GPC5: variants seen among roughly 807,000 people sequenced by gnomAD.
The protein encoded by GPC5 is glypican-5.
In GPC5, 47 loss-of-function variants were observed where a neutral mutation model predicts 53.9. That is an observed-to-expected ratio of 0.87 (90% CI 0.69 to 1.11). The LOEUF is 1.11. Among genes scored for constraint, GPC5 ranks in the 50% most tolerant of loss-of-function variants. The pLI, the probability that GPC5 is intolerant of heterozygous loss-of-function variation, is 0.00. For synonymous variants in GPC5, 286 were observed against 263.3 expected (o/e 1.09, Z -0.84); for missense variants, 748 against 713.1 (o/e 1.05, Z -0.56).
At chr13:91,893,429 C>G (rs916939884) in intron 5 of GPC5, among the ~76,000 whole-genome samples, 1 of 151,996 alleles carries the variant, frequency 6.6e-6, no homozygotes, top group African/African-American at 2.4e-5. Flanking sequence ...CTGTCTAAAT[C>G]AATCTGAAGA....
rs549282768 is a variant in GPC5 at position 91,448,832 on chromosome 13, A to G, written c.235A>G (p.Ile79Val). 1.2e-6 allele frequency: 2 copies of G among 1,613,810 alleles called. No individual in the cohort carries two copies. Among genetic ancestry groups the G allele is most frequent in the South Asian group, 1.1e-5 (1 of 91,076 alleles). Residue 79 changes from isoleucine to valine, a missense_variant, in exon 2 of 8, where the codon ATT (isoleucine) becomes GTT (valine). Physicochemically the swap from Ile to Val is conservative, Grantham distance 29. Coordinates refer to ENST00000377067, the MANE Select transcript of GPC5 (RefSeq NM_004466.6). ...CAGGAAGATGGAGGAGAGATATCAGATTGCGGCTCGCCAGGATATGCAGCA... is the reference window on the plus strand; with the variant it reads ...CAGGAAGATGGAGGAGAGATATCAGGTTGCGGCTCGCCAGGATATGCAGCA... ...CTRKMEERYQ[I>V]AARQDMQQFL...
At chr13:92,531,279 A>G (rs1881555106) in intron 7 of GPC5, among the ~76,000 whole-genome samples, 1 of 152,138 alleles carries the variant, frequency 6.6e-6, no homozygotes, top group South Asian at 2.1e-4. Context: ...GTCACAACAG[A>G]GATTTTGGCT....
intron 7 of GPC5, among the ~76,000 whole-genome samples, chr13:92,751,314 A>AC (rs1889388297): frequency 7.0e-6 from 1 of 142,676 alleles, no homozygotes; most frequent in South Asian, 2.2e-4. Context: ...AAAAAAAAAA[A>AC]AAAAAAAAAA....
chr13:92,375,405 G>A (rs550706196), intron 7 of GPC5, among the ~76,000 whole-genome samples: 1 of 152,256 alleles, frequency 6.6e-6, no homozygotes, highest in Non-Finnish European at 1.5e-5. Context: ...CAGCATTTTG[G>A]TAACTGTAAA....
intron 7 of GPC5, among the ~76,000 whole-genome samples, chr13:92,452,886 T>C (rs1453611404): frequency 6.6e-6 from 1 of 152,232 alleles, no homozygotes; most frequent in East Asian, 1.9e-4. Flanking sequence ...CTTATTTTTA[T>C]AGGTAAGAAA....
intron 7 of GPC5, among the ~76,000 whole-genome samples, chr13:92,465,214 G>A (rs1276291732): frequency 2.0e-5 from 3 of 152,002 alleles, no homozygotes; most frequent in Non-Finnish European, 4.4e-5. Context: ...TTGCATAAAA[G>A]TGTATGTTAA....
chr13:92,632,716 T>A (rs758073561), intron 7 of GPC5, among the ~76,000 whole-genome samples: 1 of 152,034 alleles, frequency 6.6e-6, no homozygotes, highest in East Asian at 1.9e-4. Context: ...GATAAAGACA[T>A]ACCTGAGACT....
At chr13:92,026,409 C>A (rs1216811084) in intron 6 of GPC5, among the ~76,000 whole-genome samples, 2 of 150,974 alleles carry the variant, frequency 1.3e-5, no homozygotes, top group African/African-American at 4.9e-5. Context: ...AAACATAGAC[C>A]CTACTTAAAG....
chr13:91,413,450 A>C (rs1394432574), intron 1 of GPC5, among the ~76,000 whole-genome samples: 1 of 152,244 alleles, frequency 6.6e-6, no homozygotes, highest in Non-Finnish European at 1.5e-5. Flanking sequence ...TGGAGAATAG[A>C]ATTCGTTGGA....
At chr13:92,738,060 A>G (rs941030804) in intron 7 of GPC5, among the ~76,000 whole-genome samples, 15 of 151,992 alleles carry the variant, frequency 9.9e-5, no homozygotes, top group African/African-American at 3.1e-4. Context: ...CACTGTGCCT[A>G]GCCAACATAT....
At chr13:91,832,009 A>G (rs570005601) in intron 5 of GPC5, among the ~76,000 whole-genome samples, 3 of 151,148 alleles carry the variant, frequency 2.0e-5, no homozygotes, top group African/African-American at 7.4e-5. Flanking sequence ...AGTCCTGAAT[A>G]TCCTTGTTAA....
At chr13:91,765,766 A>T (rs1297463572) in intron 5 of GPC5, among the ~76,000 whole-genome samples, 1 of 152,208 alleles carries the variant, frequency 6.6e-6, no homozygotes, top group Non-Finnish European at 1.5e-5. Context: ...GAAAGAGGTA[A>T]TATGTGATAT....
chr13:92,466,320 A>G (rs1878690112), intron 7 of GPC5, among the ~76,000 whole-genome samples: 1 of 152,040 alleles, frequency 6.6e-6, no homozygotes, highest in South Asian at 2.1e-4. Flanking sequence ...ATGGTAATAA[A>G]AATAAGCATA....
intron 7 of GPC5, among the ~76,000 whole-genome samples, chr13:92,658,368 G>A (rs1382951009): frequency 2.6e-5 from 4 of 152,102 alleles, no homozygotes; most frequent in Non-Finnish European, 4.4e-5. Flanking sequence ...AGAGCATTTG[G>A]GGACATCTAT....
chr13:92,458,566 G>T (rs1466162371), intron 7 of GPC5, among the ~76,000 whole-genome samples: 2 of 151,968 alleles, frequency 1.3e-5, no homozygotes, highest in African/African-American at 4.8e-5. Flanking sequence ...CCAAAGTGCT[G>T]GGATTTCAGG....
chr13:92,835,597 T>C (rs917570476), intron 7 of GPC5, among the ~76,000 whole-genome samples: 9 of 152,182 alleles, frequency 5.9e-5, no homozygotes, highest in African/African-American at 2.2e-4. Context: ...GAACTTTGTA[T>C]TCTGTAGTGG....
rs1244826471 is a variant in GPC5 at position 91,398,659 on chromosome 13, A to AGGCGGCGGCGGCGGCGGCGGCGGCGGC, written c.-370_-369insGGCGGCGGCGGCGGCGGCGGCGGCGGC. 10 of 100,228 alleles carry AGGCGGCGGCGGCGGCGGCGGCGGCGGC rather than the reference A, an allele frequency of 1.0e-4. No individual in the cohort carries two copies. The highest frequency in any genetic ancestry group is 3.2e-4 in the African/African-American group (10 of 31,400). 6.2% of individuals were successfully genotyped at this position (100,228 alleles called of 1,614,324 possible). On this transcript the variant is annotated 5_prime_UTR_variant, in exon 1 of 8. Coordinates refer to ENST00000377067, the MANE Select transcript of GPC5 (RefSeq NM_004466.6). ...TGCTGCGAGCCGAGCCGGGCGGCGG[A>AGGCGGCGGCGGCGGCGGCGGCGGCGGC]GGCGGCGGCGGCGGCGGCAGTGGCG...
intron 7 of GPC5, among the ~76,000 whole-genome samples, chr13:92,654,157 A>T (rs1886050832): frequency 6.6e-6 from 1 of 152,240 alleles, no homozygotes; most frequent in African/African-American, 2.4e-5. Flanking sequence ...CCTTCCAAAA[A>T]GTGCAAACTG....
intron 7 of GPC5, among the ~76,000 whole-genome samples, chr13:92,564,164 G>C (rs1040870388): frequency 6.6e-6 from 1 of 151,920 alleles, no homozygotes; most frequent in East Asian, 1.9e-4. Context: ...CCTATGAGTA[G>C]ACACATGCCT....
Sources: allele counts gnomAD v4.1 joint callset (sites outside exome capture counted in the v4.1 genomes callset), GRCh38; gene constraint gnomAD v4.1.1; transcripts MANE v1.5; gene names NCBI Gene and HGNC (gene_info 2026-07-23, HGNC 2026-07-21).